Variants in DPH6 observed in about 807,000 individuals in gnomAD.
DPH6 encodes diphthamine biosynthesis 6, also known as diphthine--ammonia ligase.
In DPH6, 33 loss-of-function variants were observed where a neutral mutation model predicts 38.2. The ratio of observed to expected loss-of-function variants is 0.86; its 90% CI spans 0.65 to 1.15. DPH6 has a LOEUF of 1.15. DPH6 is among the 50% of genes most tolerant of loss of function. The pLI is 0.00. For synonymous variants in DPH6, 108 were observed against 103.0 expected, an observed-to-expected ratio of 1.05 and a Z score of -0.30; for missense variants, 325 against 320.0, an observed-to-expected ratio of 1.02 and a Z score of -0.12.
chr15:35,180,395 AC>A, the DPH6 span, among the ~76,000 whole-genome samples: 7 of 188 alleles, frequency 0.037, no homozygotes, highest in African/African-American at 0.058. Context: ...GTTTTAAAAC[AC>A]ACACACACAC....
chr15:35,445,205 C>T (rs1242051376), intron 5 of DPH6, among the ~76,000 whole-genome samples: 1 of 152,018 alleles, frequency 6.6e-6, no homozygotes, highest in African/African-American at 2.4e-5. Flanking sequence ...GAATTCCATT[C>T]ACATTCACAT....
rs554569392 is a variant in DPH6 at position 35,342,937 on chromosome 15, T to C, written n.208-11860A>G. ...TTTAATAACGATCAGTTCAAAGCTA[T>C]TCTTTCTCATCTATACTTTCACCCA... On this transcript the variant is annotated intron_variant and non_coding_transcript_variant, in intron 3 of 3. Coordinates refer to the DPH6 transcript ENST00000558973. Among the ~76,000 whole-genome samples, 3 of 152,318 alleles carry C rather than the reference T, an allele frequency of 2.0e-5. No homozygotes were observed. In the South Asian group the frequency reaches 6.2e-4, roughly 32 times the overall value.
intron 3 of DPH6, among the ~76,000 whole-genome samples, chr15:35,269,499 G>A (rs879738253): frequency 1.6e-3 from 237 of 151,532 alleles, no homozygotes; most frequent in Non-Finnish European, 8.8e-4. Context: ...TTTTTGAGAC[G>A]GAGTCACCCA....
At chr15:35,163,692 T>C in the DPH6 span, among the ~76,000 whole-genome samples, 34 of 151,884 alleles carry the variant, frequency 2.2e-4, no homozygotes, top group Admixed American at 7.2e-4. Flanking sequence ...GCACTTTAAA[T>C]GAGCAACCCC....
intron 3 of DPH6, 30 bp downstream of exon 3, chr15:35,538,244 C>A: frequency 7.1e-7 from 1 of 1,414,462 alleles, no homozygotes; most frequent in Non-Finnish European, 9.4e-7. Context: ...CACACTAAAT[C>A]CAATATACTT....
intron 3 of DPH6, among the ~76,000 whole-genome samples, chr15:35,484,347 A>T (rs2054368249): frequency 6.6e-6 from 1 of 152,222 alleles, no homozygotes; most frequent in Admixed American, 6.5e-5. Flanking sequence ...TGCTTTAGGA[A>T]TCCAAGTGCA....
intron 3 of DPH6, among the ~76,000 whole-genome samples, chr15:35,493,334 T>C (rs1364547840): frequency 6.6e-6 from 1 of 152,196 alleles, no homozygotes; most frequent in Non-Finnish European, 1.5e-5. Context: ...TTAGATTCCG[T>C]AGGCTAACTA....
intron 6 of DPH6, among the ~76,000 whole-genome samples, chr15:35,397,916 A>C (rs964737401): frequency 8.6e-5 from 9 of 105,170 alleles, no homozygotes; most frequent in Non-Finnish European, 1.0e-4. Context: ...CACACACACA[A>C]GATTCTGAGA....
At chr15:35,470,024 C>A (rs1156871076) in intron 3 of DPH6, among the ~76,000 whole-genome samples, 1 of 152,048 alleles carries the variant, frequency 6.6e-6, no homozygotes, top group Non-Finnish European at 1.5e-5. Flanking sequence ...ATGGCGAAAC[C>A]CTGTCTCTAC....
chr15:35,346,701 T>C (rs1323859912), intron 3 of DPH6, among the ~76,000 whole-genome samples: 1 of 152,174 alleles, frequency 6.6e-6, no homozygotes, highest in South Asian at 2.1e-4. Flanking sequence ...TTAAGAGGAA[T>C]GCTTAGGTCA....
chr15:35,451,235 CTT>C (rs1353173500), intron 4 of DPH6, among the ~76,000 whole-genome samples: 1 of 151,730 alleles, frequency 6.6e-6, no homozygotes, highest in Non-Finnish European at 1.5e-5. Context: ...TATCTACTAA[CTT>C]TGAATTTTTT....
intron 7 of DPH6, among the ~76,000 whole-genome samples, chr15:35,380,723 A>C (rs2140937250): frequency 6.6e-6 from 1 of 152,318 alleles, no homozygotes; most frequent in South Asian, 2.1e-4. Context: ...TCATGGGCAA[A>C]ATAAATATGT....
At chr15:35,384,344 T>C (rs1418532630) in intron 6 of DPH6, among the ~76,000 whole-genome samples, 2 of 152,206 alleles carry the variant, frequency 1.3e-5, no homozygotes, top group South Asian at 2.1e-4. Flanking sequence ...GAAAAACACA[T>C]AGTTTTCATG....
chr15:35,283,028 CCT>C (rs2051910460), intron 3 of DPH6: 6 of 201,456 alleles, frequency 3.0e-5, no homozygotes, highest in Admixed American at 2.8e-4. Flanking sequence ...TCCTCTTCTT[CCT>C]TCTTCTTCTT....
intron 3 of DPH6, among the ~76,000 whole-genome samples, chr15:35,460,389 G>A (rs1183413493): frequency 6.6e-6 from 1 of 152,130 alleles, no homozygotes; most frequent in Non-Finnish European, 1.5e-5. Context: ...AGAAATTAAA[G>A]ATAATAATGC....
At chr15:35,184,767 T>C in the DPH6 span, among the ~76,000 whole-genome samples, 76 of 152,308 alleles carry the variant, frequency 5.0e-4, no homozygotes, top group African/African-American at 1.8e-3. Flanking sequence ...GGTTATATGT[T>C]ACATTGGAAG....
At chr15:35,334,576 C>A (rs982510613) in intron 3 of DPH6, among the ~76,000 whole-genome samples, 2 of 152,002 alleles carry the variant, frequency 1.3e-5, no homozygotes, top group Non-Finnish European at 2.9e-5. Context: ...CCCCAATAGG[C>A]CCCTGTGTGT....
the DPH6 span, among the ~76,000 whole-genome samples, chr15:35,193,628 TC>T: frequency 6.6e-6 from 1 of 152,172 alleles, no homozygotes; most frequent in Non-Finnish European, 1.5e-5. Flanking sequence ...TATATGTATT[TC>T]TCAGATGAAG....
chr15:35,419,855 C>T (rs960951661), intron 5 of DPH6, among the ~76,000 whole-genome samples: 2 of 152,070 alleles, frequency 1.3e-5, no homozygotes, highest in Non-Finnish European at 2.9e-5. Context: ...AAATTCAATA[C>T]CCCACTATCA....
Sources: gnomAD v4.1 joint callset for allele counts (sites outside exome capture counted in the v4.1 genomes callset) on GRCh38, gnomAD v4.1.1 for gene constraint, MANE v1.5 for transcripts, NCBI Gene and HGNC (gene_info 2026-07-23, HGNC 2026-07-21) for gene names.